The following ZNF521 variants were observed in gnomAD, a reference collection of about 807,000 sequenced individuals.
ZNF521 encodes the protein zinc finger protein 521.
ZNF521 carries 14 observed loss-of-function variants against 105.5 expected under a neutral mutation model. The observed-to-expected ratio is 0.13, with a 90% confidence interval of 0.09 to 0.21. The LOEUF (loss-of-function observed/expected upper bound fraction) is 0.21. Among genes scored for constraint, ZNF521 ranks in the 10% least tolerant of loss-of-function variants. The pLI is 1.00. For missense variants in ZNF521, 1,233 were observed against 1,629.7 expected (o/e 0.76, Z 4.19); for synonymous variants, 635 against 606.0 (o/e 1.05, Z -0.70).
intron 2 of ZNF521, among the ~76,000 whole-genome samples, chr18:25,330,402 G>T (rs1913500265): frequency 6.6e-6 from 1 of 151,992 alleles, no homozygotes; most frequent in Admixed American, 6.6e-5. Context: ...TTGACCTCAT[G>T]ATCCACCCGC....
At chr18:25,209,276 C>T (rs139182254) in intron 4 of ZNF521, among the ~76,000 whole-genome samples, 6,918 of 151,968 alleles carry the variant, frequency 0.046, 539 homozygotes, top group African/African-American at 0.16. Flanking sequence ...GGACTACAGG[C>T]GCGCGCCACC....
At chr18:25,344,205 A>T (rs944006274) in intron 2 of ZNF521, among the ~76,000 whole-genome samples, 1 of 25,888 alleles carries the variant, frequency 3.9e-5, no homozygotes, top group Non-Finnish European at 7.4e-5. Context: ...GTTTTTTATT[A>T]AAAAAAAAAA....
intron 5 of ZNF521, among the ~76,000 whole-genome samples, chr18:25,155,078 A>G (rs2035118054): frequency 6.6e-6 from 1 of 152,126 alleles, no homozygotes; most frequent in Non-Finnish European, 1.5e-5. Flanking sequence ...AGTAATTGCT[A>G]TCCTACCAGG....
At chr18:25,316,615 G>A (rs1414299286) in intron 3 of ZNF521, among the ~76,000 whole-genome samples, 2 of 152,174 alleles carry the variant, frequency 1.3e-5, no homozygotes, top group East Asian at 1.9e-4. Context: ...AGATCAGACT[G>A]GAGGGCAACC....
At chr18:25,338,060 C>T (rs1220291177) in intron 2 of ZNF521, among the ~76,000 whole-genome samples, 1 of 152,108 alleles carries the variant, frequency 6.6e-6, no homozygotes, top group Non-Finnish European at 1.5e-5. Context: ...TAAGATTGGC[C>T]CAGTTAGCTC....
At chr18:25,316,749 C>T (rs1912644593) in intron 3 of ZNF521, among the ~76,000 whole-genome samples, 1 of 152,050 alleles carries the variant, frequency 6.6e-6, no homozygotes, top group African/African-American at 2.4e-5. Context: ...GAATCTACCA[C>T]CTTCCCAAAG....
At chr18:25,251,187 A>G (rs1435202591) in intron 3 of ZNF521, among the ~76,000 whole-genome samples, 1 of 152,200 alleles carries the variant, frequency 6.6e-6, no homozygotes, top group Non-Finnish European at 1.5e-5. Flanking sequence ...AGGAATAACA[A>G]TGCTTGGTGG....
At chr18:25,216,897 G>T (rs550662985) in intron 4 of ZNF521, among the ~76,000 whole-genome samples, 2 of 152,188 alleles carry the variant, frequency 1.3e-5, no homozygotes, top group South Asian at 4.1e-4. Flanking sequence ...AATCCTAAAG[G>T]GCAGACCACC....
In ZNF521 at chr18:25,111,456, T is replaced by C. The variant is rs549872295; in HGVS notation, c.3659-19375A>G. 3.9e-5 allele frequency among the ~76,000 whole-genome samples: 6 copies of C among 152,342 alleles called. No individual in the cohort carries two copies. The South Asian group carries it at 6.2e-4, about 16-fold the overall frequency. ...AAGGCTCAATTAACTTAATAGTTAC[T>C]AGGGAAAAATACATTTTAAAAATTC... On this transcript the variant is annotated intron_variant, in intron 5 of 7. Transcript: ENST00000361524.
intron 5 of ZNF521, among the ~76,000 whole-genome samples, chr18:25,148,680 T>C (rs1304903630): frequency 6.6e-6 from 1 of 152,124 alleles, no homozygotes; most frequent in Non-Finnish European, 1.5e-5. Flanking sequence ...TAACTGTGTT[T>C]TGTGAGTGAC....
chr18:25,195,411 A>T (rs1388396833), intron 4 of ZNF521, among the ~76,000 whole-genome samples, 167 bp from the exon 5 acceptor site: 2 of 151,836 alleles, frequency 1.3e-5, no homozygotes, highest in African/African-American at 4.8e-5. Flanking sequence ...CTTAGACCTT[A>T]TGGCTTGATC....
chr18:25,090,599 C>T (rs759597415), intron 6 of ZNF521, among the ~76,000 whole-genome samples: 3 of 152,142 alleles, frequency 2.0e-5, no homozygotes, highest in Non-Finnish European at 4.4e-5. Context: ...ACAGAAAATG[C>T]AGACTGTGCA....
At chr18:25,156,749 C>T (rs1428352099) in intron 5 of ZNF521, among the ~76,000 whole-genome samples, 3 of 151,994 alleles carry the variant, frequency 2.0e-5, no homozygotes, top group Non-Finnish European at 2.9e-5. Flanking sequence ...GCATATTAAA[C>T]ACTACTAAAA....
At chr18:25,150,612 T>C (rs1248754029) in intron 5 of ZNF521, among the ~76,000 whole-genome samples, 1 of 152,126 alleles carries the variant, frequency 6.6e-6, no homozygotes, top group African/African-American at 2.4e-5. Context: ...AAGGACTTTA[T>C]AGTAGAATAA....
intron 3 of ZNF521, among the ~76,000 whole-genome samples, chr18:25,293,135 C>T (rs528248830): frequency 6.6e-6 from 1 of 152,200 alleles, no homozygotes; most frequent in Admixed American, 6.5e-5. Flanking sequence ...CATAAAACAA[C>T]CAAAAAGTTC....
intron 3 of ZNF521, among the ~76,000 whole-genome samples, chr18:25,250,700 T>C (rs1177773399): frequency 6.6e-6 from 1 of 152,242 alleles, no homozygotes; most frequent in Non-Finnish European, 1.5e-5. Flanking sequence ...AGCCATCCTG[T>C]TGATATATGA....
chr18:25,134,768 C>T (rs763635465), intron 5 of ZNF521, among the ~76,000 whole-genome samples: 1 of 152,128 alleles, frequency 6.6e-6, no homozygotes, highest in Non-Finnish European at 1.5e-5. Context: ...GATCCAGGCA[C>T]ATTCTGATGA....
rs151163286 is a variant in ZNF521, at chr18:25,224,351, C to G, written c.3567G>C (p.Ser1189=). 2 of 1,603,268 alleles carry G rather than the reference C, an allele frequency of 1.2e-6. No individual in the cohort carries two copies. Among genetic ancestry groups the G allele is most frequent in the Middle Eastern group, 1.7e-4 (1 of 5,972 alleles). The change falls in exon 4 of 8, where the codon TCG becomes TCC. Residue 1189 remains serine, a synonymous_variant. Transcript: ENST00000361524. ...ATTAAAAAAGGCGAGTTACCTCATC[C>G]GACTGGGAGGGACTGATTCTGGGCA... ...SPMPRISPSQ[S]DEKKTYQCIK...
At chr18:25,220,998 T>G (rs903896356) in intron 4 of ZNF521, among the ~76,000 whole-genome samples, 1 of 152,212 alleles carries the variant, frequency 6.6e-6, no homozygotes, top group Non-Finnish European at 1.5e-5. Flanking sequence ...CAGTTAACCT[T>G]ACCATCCCTG....
Sources: allele counts gnomAD v4.1 joint callset (sites outside exome capture counted in the v4.1 genomes callset), GRCh38; gene constraint gnomAD v4.1.1; transcripts MANE v1.5; gene names NCBI Gene and HGNC (gene_info 2026-07-23, HGNC 2026-07-21).